The following DACH1 variants were observed in gnomAD, a reference collection of about 807,000 sequenced individuals.
The protein encoded by DACH1 is dachshund homolog 1.
A neutral mutation model predicts 54.2 loss-of-function variants in DACH1; 12 were observed. The ratio of observed to expected loss-of-function variants is 0.22; its 90% CI spans 0.14 to 0.36. DACH1 has a LOEUF of 0.36. DACH1 is among the 10% of genes least tolerant of loss of function. The probability of loss-of-function intolerance (pLI) is 1.00; values close to 1 mark genes in which losing one functional copy is unlikely to be tolerated. For synonymous variants in DACH1, 386 were observed against 366.2 expected, an observed-to-expected ratio of 1.05 and a Z score of -0.62; for missense variants, 805 against 929.8, an observed-to-expected ratio of 0.87 and a Z score of 1.75.
At chr13:71,563,514 T>C (rs73521257) in intron 4 of DACH1, among the ~76,000 whole-genome samples, 1 of 152,096 alleles carries the variant, frequency 6.6e-6, no homozygotes, top group African/African-American at 2.4e-5. Flanking sequence ...TTGTTTATTT[T>C]AACATTTCCC....
At chr13:71,660,395 T>C (rs1260877744) in intron 2 of DACH1, among the ~76,000 whole-genome samples, 2 of 152,136 alleles carry the variant, frequency 1.3e-5, no homozygotes, top group African/African-American at 4.8e-5. Context: ...GTATACCCAT[T>C]TTCAATTTAA....
chr13:71,592,418 C>T (rs895571329), intron 3 of DACH1, among the ~76,000 whole-genome samples: 1 of 147,082 alleles, frequency 6.8e-6, no homozygotes, highest in African/African-American at 2.6e-5. Context: ...TCATTTGAGC[C>T]CAGGAGGTCG....
chr13:71,718,867 T>C (rs1308578266), intron 1 of DACH1, among the ~76,000 whole-genome samples: 1 of 152,202 alleles, frequency 6.6e-6, no homozygotes, highest in Non-Finnish European at 1.5e-5. Flanking sequence ...GATCTTATGT[T>C]ATCCTGATAA....
intron 10 of DACH1, among the ~76,000 whole-genome samples, chr13:71,448,780 A>ATAAT (rs1874709373): frequency 6.6e-6 from 1 of 151,942 alleles, no homozygotes; most frequent in Admixed American, 6.6e-5. Context: ...GTGTTTAAAT[A>ATAAT]TAATTAAAAA....
chr13:71,650,062 G>A (rs1878566479), intron 2 of DACH1, among the ~76,000 whole-genome samples: 1 of 152,126 alleles, frequency 6.6e-6, no homozygotes, highest in Non-Finnish European at 1.5e-5. Context: ...CTCTTTAAAC[G>A]CATATTGGAG....
At position 71,775,494 on chromosome 13, in the gene DACH1, G is replaced by A. The variant is rs548870606; in HGVS notation, c.848+90428C>T. ...AAAATGATTTAATATCTTTGTATTG[G>A]TTTTAAAGTTTTGTCTCTAAAAATA... On this transcript the variant is annotated intron_variant, in intron 1 of 10. Transcript: ENST00000613252. Among the ~76,000 whole-genome samples, 7 of 152,012 alleles carry A rather than the reference G, an allele frequency of 4.6e-5. 1 individual carries two copies. In the South Asian group the frequency reaches 1.5e-3, roughly 32 times the overall value.
At chr13:71,543,016 G>A (rs923973359) in intron 6 of DACH1, among the ~76,000 whole-genome samples, 18 of 152,108 alleles carry the variant, frequency 1.2e-4, no homozygotes, top group African/African-American at 4.3e-4. Context: ...GAAGATCCTT[G>A]AGGAACTGAA....
At chr13:71,690,752 C>T (rs1257583446) in intron 1 of DACH1, among the ~76,000 whole-genome samples, 5 of 152,046 alleles carry the variant, frequency 3.3e-5, no homozygotes, top group African/African-American at 9.7e-5. Context: ...GACAAGATGG[C>T]GAGATCCCAT....
intron 1 of DACH1, among the ~76,000 whole-genome samples, chr13:71,854,185 A>T (rs1873850930): frequency 6.6e-6 from 1 of 152,122 alleles, no homozygotes; most frequent in South Asian, 2.1e-4. Context: ...CACAATTTTG[A>T]ATTTAAGGGA....
chr13:71,488,459 G>A (rs756531245), intron 7 of DACH1, among the ~76,000 whole-genome samples: 1 of 152,100 alleles, frequency 6.6e-6, no homozygotes, highest in Non-Finnish European at 1.5e-5. Context: ...TAGGAAATCC[G>A]TGGAAAGTTT....
At chr13:71,595,613 T>TA (rs1470592953) in intron 3 of DACH1, among the ~76,000 whole-genome samples, 1 of 152,068 alleles carries the variant, frequency 6.6e-6, no homozygotes, top group Non-Finnish European at 1.5e-5. Flanking sequence ...CAGACTGCTA[T>TA]AAAAAAATTC....
At chr13:71,863,704 G>A (rs1274983427) in intron 1 of DACH1, among the ~76,000 whole-genome samples, 1 of 151,734 alleles carries the variant, frequency 6.6e-6, no homozygotes, top group Non-Finnish European at 1.5e-5. Flanking sequence ...AAAATTCAGG[G>A]AATAAATCGA....
chr13:71,704,841 G>A (rs1190779313), intron 1 of DACH1, among the ~76,000 whole-genome samples: 4 of 151,894 alleles, frequency 2.6e-5, no homozygotes, highest in Non-Finnish European at 5.9e-5. Context: ...GACATGAGGT[G>A]GCTTATTGTG....
At chr13:71,818,709 T>C (rs897079512) in intron 1 of DACH1, among the ~76,000 whole-genome samples, 26 of 152,230 alleles carry the variant, frequency 1.7e-4, no homozygotes, top group Non-Finnish European at 3.4e-4. Flanking sequence ...CATATTTTTA[T>C]CTTCCAGTTA....
At chr13:71,612,386 T>A (rs61957851) in intron 3 of DACH1, among the ~76,000 whole-genome samples, 21,680 of 152,032 alleles carry the variant, frequency 0.14, 3,660 homozygotes, top group African/African-American at 0.4. Flanking sequence ...AGACACAAAA[T>A]GTTTACCTTA....
rs371836885 is a variant in DACH1 at position 71,459,941 on chromosome 13, G to T, written c.2083+15200C>A. Among the ~76,000 whole-genome samples the T allele has an allele frequency of 1.2e-4, 19 of 152,052 alleles. No homozygotes were observed. In the South Asian group the frequency reaches 3.3e-3, roughly 27 times the overall value. On this transcript the variant is annotated intron_variant, in intron 10 of 10. Coordinates refer to ENST00000613252, the MANE Select transcript of DACH1 (RefSeq NM_080759.6). ...TTACCATTAGGAAAATCACTGGAAA[G>T]GTTTTTGCATTTTTTGTGTTTTATA...
At chr13:71,704,429 C>T (rs1386817618) in intron 1 of DACH1, 2 of 383,300 alleles carry the variant, frequency 5.2e-6, no homozygotes, top group African/African-American at 2.1e-5. Context: ...AAGCTTCTTG[C>T]AAAGAGAATT....
Position 71,800,810 on chromosome 13 carries a change from G to A in DACH1, c.848+65112C>T, listed in dbSNP as rs555971609. ...GGCTAATTTGAAGTCCTCAGATATCGCTCTTTGATCATTTTAATTATTATT... is the reference window on the plus strand; with the variant it reads ...GGCTAATTTGAAGTCCTCAGATATCACTCTTTGATCATTTTAATTATTATT... On this transcript the variant is annotated intron_variant, in intron 1 of 10. Coordinates refer to ENST00000613252, the MANE Select transcript of DACH1 (RefSeq NM_080759.6). 2.5e-4 allele frequency among the ~76,000 whole-genome samples: 38 copies of A among 151,714 alleles called. No homozygotes were observed. The South Asian group carries it at 5.8e-3, about 23-fold the overall frequency.
At chr13:71,601,278 T>C (rs1056091229) in intron 3 of DACH1, among the ~76,000 whole-genome samples, 2 of 152,062 alleles carry the variant, frequency 1.3e-5, no homozygotes, top group African/African-American at 2.4e-5. Context: ...CTCCCAGATA[T>C]TATCAGTGGG....
Sources: gnomAD v4.1 joint callset for allele counts (sites outside exome capture counted in the v4.1 genomes callset) on GRCh38, gnomAD v4.1.1 for gene constraint, MANE v1.5 for transcripts, NCBI Gene and HGNC (gene_info 2026-07-23, HGNC 2026-07-21) for gene names.